MYO3A: variants seen among roughly 807,000 people sequenced by gnomAD.
MYO3A encodes the protein myosin IIIA, also known as myosin-IIIa.
MYO3A carries 180 observed loss-of-function variants against 192.7 expected under a neutral mutation model. The ratio of observed to expected loss-of-function variants is 0.93; its 90% CI spans 0.83 to 1.06. The LOEUF is 1.06. Among genes scored for constraint, MYO3A ranks in the 50% least tolerant of loss-of-function variants. The probability of loss-of-function intolerance (pLI) is 0.00; values close to 1 mark genes in which losing one functional copy is unlikely to be tolerated. For synonymous variants in MYO3A, 628 were observed against 645.3 expected (o/e 0.97, Z 0.41); for missense variants, 1,896 against 1,905.0 (o/e 1.00, Z 0.09).
At chr10:25,989,177 C>G (rs1277417985) in intron 4 of MYO3A, among the ~76,000 whole-genome samples, 1 of 151,494 alleles carries the variant, frequency 6.6e-6, no homozygotes, top group East Asian at 1.9e-4. Context: ...AACTCCTAGC[C>G]TTAAGTGATC....
chr10:26,035,405 C>T (rs971419577), intron 10 of MYO3A, among the ~76,000 whole-genome samples: 10 of 152,168 alleles, frequency 6.6e-5, no homozygotes, highest in African/African-American at 2.4e-4. Flanking sequence ...GAAGAAGAAG[C>T]AGTTGCTGAT....
At chr10:26,173,156 G>A (rs1365798241) in intron 29 of MYO3A, among the ~76,000 whole-genome samples, 4 of 152,034 alleles carry the variant, frequency 2.6e-5, no homozygotes, top group East Asian at 1.9e-4. Context: ...TTTGGCCACC[G>A]TATTACATGA....
At chr10:26,182,208 C>T (rs369626538) in intron 31 of MYO3A, among the ~76,000 whole-genome samples, 2 of 152,136 alleles carry the variant, frequency 1.3e-5, no homozygotes, top group Non-Finnish European at 2.9e-5. Context: ...AACTTCACTT[C>T]TATATAAAAT....
intron 15 of MYO3A, among the ~76,000 whole-genome samples, chr10:26,094,300 A>G (rs1836873291): frequency 6.6e-6 from 1 of 152,230 alleles, no homozygotes; most frequent in South Asian, 2.1e-4. Flanking sequence ...AGATTATAAA[A>G]TAAAGCCACA....
chr10:26,081,093 C>T (rs1313212688), intron 14 of MYO3A, among the ~76,000 whole-genome samples: 1 of 135,684 alleles, frequency 7.4e-6, no homozygotes, highest in Admixed American at 7.9e-5. Context: ...GTGGAACCGG[C>T]GGTGGGTGGG....
chr10:26,106,331 TATATTC>T (rs1382773357), intron 17 of MYO3A, among the ~76,000 whole-genome samples: 16 of 152,226 alleles, frequency 1.1e-4, no homozygotes, highest in Non-Finnish European at 1.8e-4. Flanking sequence ...AATCTATACT[TATATTC>T]ATCTGGAACT....
chr10:26,165,820 A>G, intron 26 of MYO3A: 1 of 577,762 alleles, frequency 1.7e-6, no homozygotes, highest in Non-Finnish European at 3.1e-6. Context: ...GGAGTGCAGT[A>G]TTAAGTTTTG....
At chr10:26,119,399 T>G (rs1347036517) in intron 17 of MYO3A, among the ~76,000 whole-genome samples, 1 of 152,198 alleles carries the variant, frequency 6.6e-6, no homozygotes, top group Non-Finnish European at 1.5e-5. Context: ...ACTAGAACAG[T>G]GCCTGGCATA....
chr10:25,989,316 CAATT>C (rs1396592663), intron 4 of MYO3A, among the ~76,000 whole-genome samples: 1 of 149,958 alleles, frequency 6.7e-6, no homozygotes, highest in African/African-American at 2.5e-5. Context: ...TCTTTTCAAT[CAATT>C]GTGAGTACTT....
intron 19 of MYO3A, among the ~76,000 whole-genome samples, chr10:26,128,066 G>A (rs1031918700): frequency 2.6e-5 from 4 of 152,032 alleles, no homozygotes; most frequent in African/African-American, 7.2e-5. Flanking sequence ...TGCTTCCCAA[G>A]TTGTTCTTGT....
rs146889487 is a variant in MYO3A at position 26,066,363 on chromosome 10, T to A, written c.954-612T>A. ...ACAATCATCCCCAAAATAAAATGGATGTCCAGAAAAGTTTAAATAAACCAT... is the reference window on the plus strand; with the variant it reads ...ACAATCATCCCCAAAATAAAATGGAAGTCCAGAAAAGTTTAAATAAACCAT... On this transcript the variant is annotated intron_variant, in intron 10 of 34. Coordinates refer to ENST00000642920, the MANE Select transcript of MYO3A (RefSeq NM_017433.5). Among the ~76,000 whole-genome samples, 226 of 152,312 alleles carry A rather than the reference T, an allele frequency of 1.5e-3. 3 individuals carry two copies. Among genetic ancestry groups the A allele is most frequent in the African/African-American group, 5.1e-3 (210 of 41,578 alleles).
chr10:25,942,093 CTGGGT>C (rs1836534135), intron 2 of MYO3A, among the ~76,000 whole-genome samples: 1 of 151,602 alleles, frequency 6.6e-6, no homozygotes, highest in South Asian at 2.1e-4. Context: ...TCTCTGCCTC[CTGGGT>C]TCAAGTGATG....
chr10:26,101,877 G>C (rs1293938886), intron 17 of MYO3A, among the ~76,000 whole-genome samples: 3 of 152,024 alleles, frequency 2.0e-5, no homozygotes, highest in African/African-American at 7.2e-5. Context: ...TATGTGTTTT[G>C]GAGTTGCTCT....
At chr10:26,067,242 G>T (rs1030457420) in intron 11 of MYO3A, among the ~76,000 whole-genome samples, 168 bp downstream of exon 11, 2 of 152,154 alleles carry the variant, frequency 1.3e-5, no homozygotes, top group African/African-American at 2.4e-5. Context: ...TGCTTTCTTT[G>T]TCTCTTAGCT....
chr10:26,041,981 A>G (rs943372876), intron 10 of MYO3A, among the ~76,000 whole-genome samples: 11 of 152,096 alleles, frequency 7.2e-5, no homozygotes, highest in African/African-American at 2.7e-4. Context: ...AAGTATTCCC[A>G]TTAGCATTTC....
intron 34 of MYO3A, among the ~76,000 whole-genome samples, chr10:26,208,291 G>A (rs1479059188): frequency 6.6e-6 from 1 of 152,114 alleles, no homozygotes; most frequent in African/African-American, 2.4e-5. Flanking sequence ...AGGATAAAAA[G>A]GGGAAAATAA....
intron 10 of MYO3A, among the ~76,000 whole-genome samples, chr10:26,042,432 A>T (rs1843402306): frequency 6.6e-6 from 1 of 152,112 alleles, no homozygotes; most frequent in African/African-American, 2.4e-5. Flanking sequence ...CTTTTTAGCC[A>T]GTAAGTTTTA....
chr10:26,125,891 A>G (rs1363197202), intron 19 of MYO3A, among the ~76,000 whole-genome samples: 1 of 152,186 alleles, frequency 6.6e-6, no homozygotes, highest in African/African-American at 2.4e-5. Context: ...CTATGAACTA[A>G]TAGGTTTTTT....
chr10:26,055,259 G>C (rs1215698924), intron 10 of MYO3A, among the ~76,000 whole-genome samples: 7 of 152,216 alleles, frequency 4.6e-5, no homozygotes, highest in South Asian at 4.2e-4. Flanking sequence ...ATAAAGACAG[G>C]CTCTTTATCC....
Sources: gnomAD v4.1 joint callset for allele counts (sites outside exome capture counted in the v4.1 genomes callset) on GRCh38, gnomAD v4.1.1 for gene constraint, MANE v1.5 for transcripts, NCBI Gene and HGNC (gene_info 2026-07-23, HGNC 2026-07-21) for gene names.